The following TRAPPC9 variants were observed in gnomAD, a reference collection of about 807,000 sequenced individuals.
The protein encoded by TRAPPC9 is trafficking protein particle complex subunit 9.
A neutral mutation model predicts 124.0 loss-of-function variants in TRAPPC9; 83 were observed. The observed-to-expected ratio is 0.67, with a 90% confidence interval of 0.56 to 0.80. TRAPPC9 has a LOEUF of 0.80. Ranked by LOEUF, TRAPPC9 falls within the 30% of genes least tolerant of loss-of-function variation. The pLI, the probability that TRAPPC9 is intolerant of heterozygous loss-of-function variation, is 0.00. For synonymous variants in TRAPPC9, 638 were observed against 617.5 expected, an observed-to-expected ratio of 1.03 and a Z score of -0.49; for missense variants, 1,302 against 1,508.3, an observed-to-expected ratio of 0.86 and a Z score of 2.27.
intron 17 of TRAPPC9, among the ~76,000 whole-genome samples, chr8:140,220,830 G>A (rs377107538): frequency 6.6e-6 from 1 of 152,146 alleles, no homozygotes; most frequent in Admixed American, 6.5e-5. Flanking sequence ...TGACATTGCC[G>A]CCTGCAGCCC....
intron 20 of TRAPPC9, among the ~76,000 whole-genome samples, chr8:139,903,729 T>C (rs1439640158): frequency 6.6e-6 from 1 of 152,110 alleles, no homozygotes; most frequent in Non-Finnish European, 1.5e-5. Context: ...GTCATTGAAA[T>C]GGAAACTATT....
intron 17 of TRAPPC9, among the ~76,000 whole-genome samples, chr8:140,083,101 G>A (rs1206738866): frequency 6.6e-6 from 1 of 152,204 alleles, no homozygotes; most frequent in East Asian, 1.9e-4. Flanking sequence ...GCTGAAGCAG[G>A]AGAATCGCTT....
At position 140,257,830 on chromosome 8, in the gene TRAPPC9, G is replaced by A. The variant is rs905290410; in HGVS notation, c.2279-4901C>T. 9.2e-5 allele frequency among the ~76,000 whole-genome samples: 14 copies of A among 152,152 alleles called. No individual in the cohort carries two copies. Among genetic ancestry groups the A allele is most frequent in the African/African-American group, 3.4e-4 (14 of 41,440 alleles). On this transcript the variant is annotated intron_variant, in intron 15 of 22. Transcript: ENST00000438773. The surrounding 1 kb of genome is among the most constrained non-coding windows in gnomAD (Gnocchi z 4.6). ...TGCAAACACCTGCACATGCCTCCAG[G>A]ACAGGCTCCAGCACTCTGCACCCAA...
rs977612529 is a variant in TRAPPC9 at position 140,370,976 on chromosome 8, C to T, written c.1339G>A (p.Asp447Asn). 4 of 1,614,066 alleles carry T rather than the reference C, an allele frequency of 2.5e-6. No homozygotes were observed. The African/African-American group carries it at 5.3e-5, about 22-fold the overall frequency. The stretch of plus-strand genomic sequence containing the variant: ...GGGACTCCAGTACCTCTGCTGAAAT[C>T]TTTGGGATCCAGCGACAGACTGTAG... ...PGYSLSLDPK[D>N]FSRGTHRGWA... Residue 447 changes from aspartate (D) to asparagine (N), a missense_variant, in exon 8 of 23, where the codon GAT becomes AAT. Transcript: ENST00000438773.
intron 17 of TRAPPC9, among the ~76,000 whole-genome samples, chr8:140,092,171 T>C (rs1844611538): frequency 6.6e-6 from 1 of 151,666 alleles, no homozygotes; most frequent in African/African-American, 2.4e-5. Flanking sequence ...ATTTAATCTA[T>C]TCTTCAACAT....
intron 21 of TRAPPC9, among the ~76,000 whole-genome samples, chr8:139,828,013 C>T (rs927812247): frequency 1.1e-4 from 17 of 152,264 alleles, no homozygotes; most frequent in East Asian, 1.9e-4. Context: ...CTAAGCCACA[C>T]GTGAGGAATC....
intron 5 of TRAPPC9, among the ~76,000 whole-genome samples, chr8:140,411,128 T>G (rs550615471): frequency 2.0e-5 from 3 of 152,188 alleles, no homozygotes. Context: ...ACTCTAACTC[T>G]AGGTACGGGT....
chr8:140,414,981 C>T (rs2069858336), intron 5 of TRAPPC9, among the ~76,000 whole-genome samples: 1 of 152,022 alleles, frequency 6.6e-6, no homozygotes, highest in Non-Finnish European at 1.5e-5. Context: ...CTCAAATGAT[C>T]TGCCTGCCTC....
chr8:139,828,441 A>C (rs1384758552), intron 21 of TRAPPC9, among the ~76,000 whole-genome samples: 1 of 152,228 alleles, frequency 6.6e-6, no homozygotes, highest in Non-Finnish European at 1.5e-5. Flanking sequence ...CAATGCGGCC[A>C]AAGGCACACC....
intron 9 of TRAPPC9, among the ~76,000 whole-genome samples, chr8:140,323,298 C>A (rs1475519919): frequency 6.6e-6 from 1 of 152,154 alleles, no homozygotes; most frequent in Non-Finnish European, 1.5e-5. Flanking sequence ...TTGTAATATC[C>A]TTTACAATAA....
chr8:140,216,204 C>G lies in TRAPPC9; in HGVS notation c.2556+5255G>C, dbSNP rs937579425. ...CAACTCTCAAGGGAATCCAAAAGGA[C>G]AATTTCGATGCAAGTGCCTGATATG... On this transcript the variant is annotated intron_variant, in intron 17 of 22. Transcript: ENST00000438773. The surrounding 1 kb of genome is among the most constrained non-coding windows in gnomAD (Gnocchi z 4.1). 6.6e-6 allele frequency: 1 copy of G among 152,206 alleles called. No individual in the cohort carries two copies. Among genetic ancestry groups the G allele is most frequent in the African/African-American group, 2.4e-5 (1 of 41,438 alleles). The allele number at this position is 152,206 out of a possible 1,614,324, so 9.4% of individuals were successfully genotyped here.
Position 140,170,863 on chromosome 8 carries a change from G to T in TRAPPC9, c.2556+50596C>A, listed in dbSNP as rs138802182. On this transcript the variant is annotated intron_variant, in intron 17 of 22. Coordinates refer to ENST00000438773, the MANE Select transcript of TRAPPC9 (RefSeq NM_001160372.4). ...CCTCACAGGTAGATCTCAGACTCAG[G>T]CCTAGCCAGCCCCAGCCTCCAAGAA... is the stretch of plus-strand genomic sequence containing the variant. Among the ~76,000 whole-genome samples the T allele has an allele frequency of 9.1e-3, 1,393 of 152,250 alleles. 23 individuals are homozygous for T. The highest frequency in any genetic ancestry group is 0.031 in the African/African-American group (1,302 of 41,532).
chr8:139,806,641 T>C (rs1264458846), intron 21 of TRAPPC9, among the ~76,000 whole-genome samples: 1 of 152,144 alleles, frequency 6.6e-6, no homozygotes, highest in Non-Finnish European at 1.5e-5. Context: ...ATCCTGACTC[T>C]GAGTGGCTCC....
intron 19 of TRAPPC9, among the ~76,000 whole-genome samples, chr8:139,973,146 T>C (rs1341788461): frequency 6.6e-6 from 1 of 152,216 alleles, no homozygotes; most frequent in East Asian, 1.9e-4. Context: ...TGGCCCTGCA[T>C]AGACAAACGT....
rs562639637 is a variant in TRAPPC9 at position 139,827,377 on chromosome 8, G to A, written c.3055+58502C>T. On this transcript the variant is annotated intron_variant, in intron 21 of 22. Transcript: ENST00000438773. ...GAAGGCTGAGCCATGGCTGATCCCC[G>A]TAATCCCTTTGGAAGGGATTCTGAA... Among the ~76,000 whole-genome samples the A allele has an allele frequency of 1.2e-4, 18 of 152,348 alleles. 1 individual carries two copies. In the South Asian group the frequency reaches 1.9e-3, roughly 16 times the overall value.
At chr8:140,322,001 G>C (rs1050375881) in intron 9 of TRAPPC9, among the ~76,000 whole-genome samples, 1 of 152,166 alleles carries the variant, frequency 6.6e-6, no homozygotes, top group Non-Finnish European at 1.5e-5. Flanking sequence ...CCAAAGGTTA[G>C]GGCCAAGCAG....
chr8:140,202,552 A>G (rs573710526), intron 17 of TRAPPC9, among the ~76,000 whole-genome samples: 3 of 152,236 alleles, frequency 2.0e-5, no homozygotes, highest in African/African-American at 7.2e-5. Flanking sequence ...AGAAAAAATA[A>G]TAGAGAAAAA....
chr8:140,033,224 G>A (rs1840612549), intron 17 of TRAPPC9, among the ~76,000 whole-genome samples: 1 of 152,092 alleles, frequency 6.6e-6, no homozygotes, highest in Non-Finnish European at 1.5e-5. Flanking sequence ...CACTGGCCAG[G>A]ACTAGTAAAT....
chr8:140,341,604 T>A (rs1563958865), intron 9 of TRAPPC9, among the ~76,000 whole-genome samples: 1 of 151,104 alleles, frequency 6.6e-6, no homozygotes, highest in Admixed American at 6.6e-5. Context: ...TTCCCCAGAA[T>A]AAAGTCTCCC....
Sources: allele counts gnomAD v4.1 joint callset (sites outside exome capture counted in the v4.1 genomes callset), GRCh38; gene constraint gnomAD v4.1.1; non-coding constraint Gnocchi (gnomAD v3.1); transcripts MANE v1.5; gene names NCBI Gene and HGNC (gene_info 2026-07-23, HGNC 2026-07-21).